SDK1: variants seen among roughly 807,000 people sequenced by gnomAD.
SDK1 encodes the protein sidekick cell adhesion molecule 1.
Under a neutral mutation model 245.5 loss-of-function variants are expected in SDK1, and 157 were observed. That is an observed-to-expected ratio of 0.64 (90% CI 0.56 to 0.73). The LOEUF (loss-of-function observed/expected upper bound fraction) is 0.73. SDK1 is among the 30% of genes least tolerant of loss of function. SDK1 has a pLI of 0.00. For synonymous variants in SDK1, 1,647 were observed against 1,278.5 expected (o/e 1.29, Z -6.15); for missense variants, 3,583 against 3,002.3 (o/e 1.19, Z -4.52).
Position 3,321,806 on chromosome 7 carries a change from T to TTCTCCC in SDK1, c.298+19924_298+19925insTCCCTC, listed in dbSNP as rs1366819245. Among the ~76,000 whole-genome samples, 756 of 125,608 alleles carry TTCTCCC rather than the reference T, an allele frequency of 6.0e-3. 18 individuals are homozygous for TTCTCCC. The highest frequency in any genetic ancestry group is 0.019 in the African/African-American group (594 of 31,930). The allele number at this position is 125,608 out of a possible 152,430, so 82.4% of individuals were successfully genotyped here. A position where few individuals can be genotyped will look rare whatever the true frequency, so the allele number is the denominator to read the frequency against. On this transcript the variant is annotated intron_variant, in intron 1 of 44. Transcript: ENST00000404826. ...CTTCCTTCCTTCCTTCCTTCCTTCC[T>TTCTCCC]TCCTTCCTTCCTTCCTTCCTTCCTC...
At position 4,055,361 on chromosome 7, in the gene SDK1, G is replaced by C. The variant is rs372380198; in HGVS notation, c.2911+3531G>C. ...AAGGAGTTGATCCTCTAAGAGTTCAGATTTGTGAGTATGAAAATGTTAGCA... is the reference window on the plus strand; with the variant it reads ...AAGGAGTTGATCCTCTAAGAGTTCACATTTGTGAGTATGAAAATGTTAGCA... On this transcript the variant is annotated intron_variant, in intron 19 of 44. Transcript: ENST00000404826. 2.0e-5 allele frequency among the ~76,000 whole-genome samples: 3 copies of C among 152,168 alleles called. No homozygotes were observed. The East Asian group carries it at 5.8e-4, about 29-fold the overall frequency.
At chr7:4,083,403 G>A (rs1451528880) in intron 22 of SDK1, among the ~76,000 whole-genome samples, 1 of 152,052 alleles carries the variant, frequency 6.6e-6, no homozygotes, top group African/African-American at 2.4e-5. Flanking sequence ...CATCCCATGG[G>A]ACATCTGCAT....
At chr7:4,217,819 T>A (rs1333478941) in intron 38 of SDK1, among the ~76,000 whole-genome samples, 1 of 152,152 alleles carries the variant, frequency 6.6e-6, no homozygotes, top group East Asian at 1.9e-4. Flanking sequence ...CTGACACACC[T>A]GAAATGGGGA....
chr7:3,671,658 A>C (rs1783704869), intron 4 of SDK1, among the ~76,000 whole-genome samples: 1 of 152,330 alleles, frequency 6.6e-6, no homozygotes, highest in South Asian at 2.1e-4. Flanking sequence ...TTCTCCAGGA[A>C]GTTAACTAAT....
intron 35 of SDK1, among the ~76,000 whole-genome samples, chr7:4,200,340 A>T (rs911014909): frequency 1.3e-5 from 2 of 152,260 alleles, no homozygotes; most frequent in Non-Finnish European, 2.9e-5. Context: ...GAGGAGCTGG[A>T]GCTACAGCTG....
intron 1 of SDK1, among the ~76,000 whole-genome samples, chr7:3,565,312 T>G (rs1779876986): frequency 6.6e-6 from 1 of 152,168 alleles, no homozygotes; most frequent in African/African-American, 2.4e-5. Flanking sequence ...GAAATATGGT[T>G]GTTATCTGTC....
At chr7:3,597,203 C>T (rs1174710336) in intron 1 of SDK1, among the ~76,000 whole-genome samples, 4 of 143,406 alleles carry the variant, frequency 2.8e-5, no homozygotes, top group African/African-American at 1.0e-4. Flanking sequence ...ACCCGGGAGG[C>T]GGAGCTTGCA....
intron 1 of SDK1, among the ~76,000 whole-genome samples, chr7:3,541,612 T>C (rs369651737): frequency 1.4e-4 from 22 of 152,256 alleles, no homozygotes; most frequent in African/African-American, 2.9e-4. Flanking sequence ...ATGGCACTTA[T>C]CAAATAATAT....
At chr7:3,567,760 A>G (rs1779973654) in intron 1 of SDK1, among the ~76,000 whole-genome samples, 1 of 152,174 alleles carries the variant, frequency 6.6e-6, no homozygotes, top group Non-Finnish European at 1.5e-5. Context: ...TGATGGCTGC[A>G]TAACATTCTA....
At chr7:3,683,616 T>A (rs1784179619) in intron 4 of SDK1, among the ~76,000 whole-genome samples, 1 of 152,214 alleles carries the variant, frequency 6.6e-6, no homozygotes, top group South Asian at 2.1e-4. Flanking sequence ...GTCCTCCACC[T>A]CACAGCTAAC....
At chr7:4,025,387 G>A (rs905257274) in intron 17 of SDK1, among the ~76,000 whole-genome samples, 1 of 152,202 alleles carries the variant, frequency 6.6e-6, no homozygotes, top group African/African-American at 2.4e-5. Context: ...GCCGCCAGCC[G>A]AGGCACATAG....
chr7:3,906,978 C>G (rs577195940), intron 5 of SDK1, among the ~76,000 whole-genome samples: 1 of 152,144 alleles, frequency 6.6e-6, no homozygotes, highest in South Asian at 2.1e-4. Flanking sequence ...CTTCTTTTCT[C>G]CATCAAGCTT....
intron 1 of SDK1, among the ~76,000 whole-genome samples, chr7:3,580,021 G>C (rs1356962106): frequency 1.3e-5 from 2 of 152,118 alleles, no homozygotes; most frequent in Non-Finnish European, 2.9e-5. Flanking sequence ...GAGCCAAGTA[G>C]GGAATGCAAT....
intron 1 of SDK1, among the ~76,000 whole-genome samples, chr7:3,306,464 T>C (rs1779419937): frequency 6.6e-6 from 1 of 152,220 alleles, no homozygotes; most frequent in Admixed American, 6.5e-5. Context: ...TTATCTGCAC[T>C]GAAGTGTATG....
At chr7:3,628,371 C>G (rs901029970) in intron 2 of SDK1, among the ~76,000 whole-genome samples, 2 of 152,060 alleles carry the variant, frequency 1.3e-5, no homozygotes. Context: ...GAGATGGGAT[C>G]TCACTGTGTT....
At chr7:3,308,663 A>G (rs550264838) in intron 1 of SDK1, among the ~76,000 whole-genome samples, 1 of 152,266 alleles carries the variant, frequency 6.6e-6, no homozygotes, top group Non-Finnish European at 1.5e-5. Flanking sequence ...AATTTTTTTT[A>G]AATGGATAAG....
intron 3 of SDK1, among the ~76,000 whole-genome samples, chr7:3,641,318 C>G (rs541477865): frequency 2.5e-4 from 38 of 152,116 alleles, no homozygotes; most frequent in African/African-American, 8.4e-4. Context: ...CCTTTTATAC[C>G]TACATTCTAA....
intron 1 of SDK1, among the ~76,000 whole-genome samples, chr7:3,537,421 C>T (rs867953986): frequency 1.3e-5 from 2 of 152,150 alleles, no homozygotes; most frequent in African/African-American, 4.8e-5. Context: ...CTGTGTGTGC[C>T]GCTTTCCAAG....
chr7:4,166,885 G>A (rs1326760770), intron 32 of SDK1, among the ~76,000 whole-genome samples: 1 of 152,186 alleles, frequency 6.6e-6, no homozygotes, highest in Non-Finnish European at 1.5e-5. Flanking sequence ...GTTCCACAGA[G>A]GCCAGCAACG....
Sources: allele counts gnomAD v4.1 joint callset (sites outside exome capture counted in the v4.1 genomes callset), GRCh38; gene constraint gnomAD v4.1.1; transcripts MANE v1.5; gene names NCBI Gene and HGNC (gene_info 2026-07-23, HGNC 2026-07-21).